The following CAMTA1 variants were observed in gnomAD, a reference collection of about 807,000 sequenced individuals.
CAMTA1 encodes calmodulin binding transcription activator 1, also known as calmodulin-binding transcription activator 1.
A neutral mutation model predicts 170.9 loss-of-function variants in CAMTA1; 27 were observed. That is an observed-to-expected ratio of 0.16 (90% CI 0.12 to 0.22). CAMTA1 has a LOEUF of 0.22. Ranked by LOEUF, CAMTA1 falls within the 10% of genes least tolerant of loss-of-function variation. The pLI is 1.00. For missense variants in CAMTA1, 1,619 were observed against 2,217.2 expected (o/e 0.73, Z 5.42); for synonymous variants, 833 against 891.5 (o/e 0.93, Z 1.17).
At chr1:7,755,937 G>A (rs1049855815) in intron 22 of CAMTA1, among the ~76,000 whole-genome samples, 1 of 152,218 alleles carries the variant, frequency 6.6e-6, no homozygotes, top group African/African-American at 2.4e-5. Context: ...CGAGGATGCG[G>A]TGGAGGAAGC....
rs148434447 is a variant in CAMTA1 at position 6,809,254 on chromosome 1, T to A, written c.46-10927T>A. Reference sequence around the variant, plus strand: ...GTTGGCCAGGCTGGTCTTGAACTCCTGACCTCAGGTGATCCGCTCACCTTG... The same window carrying A: ...GTTGGCCAGGCTGGTCTTGAACTCCAGACCTCAGGTGATCCGCTCACCTTG... On this transcript the variant is annotated intron_variant, in intron 1 of 22. Coordinates refer to ENST00000303635, the MANE Select transcript of CAMTA1 (RefSeq NM_015215.4). 4.2e-3 allele frequency among the ~76,000 whole-genome samples: 636 copies of A among 152,230 alleles called. 8 individuals carry two copies. Among genetic ancestry groups the A allele is most frequent in the African/African-American group, 0.015 (621 of 41,542 alleles).
chr1:7,647,735 GACTA>G (rs2095819156), intron 7 of CAMTA1, among the ~76,000 whole-genome samples: 1 of 152,214 alleles, frequency 6.6e-6, no homozygotes, highest in Non-Finnish European at 1.5e-5. Flanking sequence ...CTCCGAGCCT[GACTA>G]GGAACAGGTA....
intron 6 of CAMTA1, among the ~76,000 whole-genome samples, chr1:7,590,247 C>T (rs146070484): frequency 6.6e-6 from 1 of 152,290 alleles, no homozygotes; most frequent in African/African-American, 2.4e-5. Flanking sequence ...CAAGGCCCTG[C>T]TGCTGCTATG....
At chr1:7,225,706 C>G (rs1661580967) in intron 4 of CAMTA1, among the ~76,000 whole-genome samples, 1 of 152,218 alleles carries the variant, frequency 6.6e-6, no homozygotes, top group African/African-American at 2.4e-5. Context: ...GCATCAGTCC[C>G]TCTTTGGAGA....
chr1:7,337,884 C>T (rs147173662), intron 5 of CAMTA1, among the ~76,000 whole-genome samples: 2,120 of 152,200 alleles, frequency 0.014, 27 homozygotes, highest in Middle Eastern at 0.028. Context: ...ATTTCCAGCC[C>T]GCTTGTCCGC....
chr1:6,878,410 T>C (rs1670544220), intron 3 of CAMTA1, among the ~76,000 whole-genome samples: 1 of 152,224 alleles, frequency 6.6e-6, no homozygotes, highest in Admixed American at 6.5e-5. Flanking sequence ...GCTGACAAGG[T>C]GTTATTTAGG....
intron 5 of CAMTA1, among the ~76,000 whole-genome samples, chr1:7,384,711 A>G (rs2087732296): frequency 6.6e-6 from 1 of 152,182 alleles, no homozygotes; most frequent in Non-Finnish European, 1.5e-5. Context: ...AGACCATAAA[A>G]TTCTGTAAAT....
intron 3 of CAMTA1, among the ~76,000 whole-genome samples, chr1:7,073,503 C>A (rs962066949): frequency 6.6e-6 from 1 of 151,784 alleles, no homozygotes; most frequent in Admixed American, 6.6e-5. Context: ...AGATTTGGGG[C>A]AATCTGATGT....
rs1220415798 is a variant in CAMTA1, at chr1:7,443,557, A to G, written c.439-24273A>G. On this transcript the variant is annotated intron_variant, in intron 5 of 22. Coordinates refer to ENST00000303635, the MANE Select transcript of CAMTA1 (RefSeq NM_015215.4). The surrounding 1 kb of genome is among the most constrained non-coding windows in gnomAD (Gnocchi z 4.1). ...CTTCTGCTTGGCATATGGCCCTGCT[A>G]GGGCACTGGGAACCCAGTCTCACCT... Among the ~76,000 whole-genome samples, 2 of 151,760 alleles carry G rather than the reference A, an allele frequency of 1.3e-5. No homozygotes were observed. Among genetic ancestry groups the G allele is most frequent in the African/African-American group, 4.8e-5 (2 of 41,384 alleles).
intron 5 of CAMTA1, among the ~76,000 whole-genome samples, chr1:7,315,725 A>G (rs1677388922): frequency 6.6e-6 from 1 of 152,206 alleles, no homozygotes; most frequent in African/African-American, 2.4e-5. Flanking sequence ...GCTCCCTCGT[A>G]GCCTTTAGGG....
chr1:7,288,771 C>G (rs891141009), intron 5 of CAMTA1, among the ~76,000 whole-genome samples: 2 of 152,162 alleles, frequency 1.3e-5, no homozygotes, highest in Non-Finnish European at 2.9e-5. Flanking sequence ...GAGCAGAGAG[C>G]AGTGAGAGGT....
At chr1:7,183,000 G>A (rs985099739) in intron 4 of CAMTA1, among the ~76,000 whole-genome samples, 4 of 152,190 alleles carry the variant, frequency 2.6e-5, no homozygotes, top group African/African-American at 9.7e-5. Flanking sequence ...GAAGTGTGGC[G>A]ATTGTACTCG....
In CAMTA1 at chr1:7,053,064, G is replaced by A. The variant is rs1037760821; in HGVS notation, c.235-38240G>A. On this transcript the variant is annotated intron_variant, in intron 3 of 22. Coordinates refer to ENST00000303635, the MANE Select transcript of CAMTA1 (RefSeq NM_015215.4). ...AATGGGAAAGAGCGGACACAGCCAT[G>A]CAGGGGAGGAGGGAGCTCGTGGGGG... 4.1e-4 allele frequency among the ~76,000 whole-genome samples: 63 copies of A among 152,224 alleles called. 1 individual carries two copies. The highest frequency in any genetic ancestry group is 1.4e-3 in the African/African-American group (60 of 41,470).
intron 6 of CAMTA1, among the ~76,000 whole-genome samples, chr1:7,536,635 A>T (rs1049680624): frequency 6.6e-6 from 1 of 152,068 alleles, no homozygotes; most frequent in African/African-American, 2.4e-5. Flanking sequence ...CGGGGCTGGG[A>T]CACCGGCCCC....
chr1:7,508,018 G>T (rs749651974), intron 6 of CAMTA1, among the ~76,000 whole-genome samples: 13 of 152,274 alleles, frequency 8.5e-5, no homozygotes, highest in Non-Finnish European at 1.9e-4. Context: ...ATACCAGTGG[G>T]GTTTATGGGG....
At chr1:7,204,830 C>CTTTTTTTTTTT (rs367812076) in intron 4 of CAMTA1, among the ~76,000 whole-genome samples, 6 of 86,804 alleles carry the variant, frequency 6.9e-5, no homozygotes, top group Admixed American at 1.4e-4. Flanking sequence ...TTCTTTTTTT[C>CTTTTTTTTTTT]TTTTTTTTTT....
intron 4 of CAMTA1, among the ~76,000 whole-genome samples, chr1:7,172,779 C>T (rs1649929520): frequency 1.3e-5 from 2 of 152,194 alleles, no homozygotes; most frequent in African/African-American, 4.8e-5. Context: ...TTGCTAGGAC[C>T]ATGCCCGTGA....
intron 6 of CAMTA1, among the ~76,000 whole-genome samples, chr1:7,601,919 G>T (rs886283062): frequency 1.3e-5 from 2 of 151,196 alleles, no homozygotes; most frequent in Non-Finnish European, 3.0e-5. Context: ...TCGGCATCAG[G>T]AGGAGACCGT....
At chr1:7,696,497 T>TG (rs914610559) in intron 11 of CAMTA1, among the ~76,000 whole-genome samples, 1 of 150,694 alleles carries the variant, frequency 6.6e-6, no homozygotes. Context: ...CCCAGCCAGT[T>TG]TTTTTTTTTT....
Sources: allele counts gnomAD v4.1 joint callset (sites outside exome capture counted in the v4.1 genomes callset), GRCh38; gene constraint gnomAD v4.1.1; non-coding constraint Gnocchi (gnomAD v3.1); transcripts MANE v1.5; gene names NCBI Gene and HGNC (gene_info 2026-07-23, HGNC 2026-07-21).